Variants in JAZF1 observed in about 807,000 individuals in gnomAD.
JAZF1 encodes juxtaposed with another zinc finger protein 1.
JAZF1 carries 8 observed loss-of-function variants against 26.4 expected under a neutral mutation model. The observed-to-expected ratio is 0.30, with a 90% confidence interval of 0.18 to 0.55. The LOEUF (loss-of-function observed/expected upper bound fraction) is 0.55. Ranked by LOEUF, JAZF1 falls within the 20% of genes least tolerant of loss-of-function variation. The pLI is 0.94. For synonymous variants in JAZF1, 126 were observed against 122.3 expected, an observed-to-expected ratio of 1.03 and a Z score of -0.20; for missense variants, 199 against 322.0, an observed-to-expected ratio of 0.62 and a Z score of 2.92.
intron 1 of JAZF1, among the ~76,000 whole-genome samples, chr7:28,010,035 C>T (rs1782772619): frequency 6.6e-6 from 1 of 152,174 alleles, no homozygotes; most frequent in African/African-American, 2.4e-5. Context: ...ATCTCTAGTT[C>T]TCTACATGCC....
At chr7:27,904,749 C>T (rs1784222434) in intron 2 of JAZF1, among the ~76,000 whole-genome samples, 1 of 151,920 alleles carries the variant, frequency 6.6e-6, no homozygotes, top group Admixed American at 6.6e-5. Flanking sequence ...GGAAAAAAAA[C>T]CCACTCCATT....
intron 2 of JAZF1, among the ~76,000 whole-genome samples, chr7:27,986,338 A>G (rs960240044): frequency 6.6e-6 from 1 of 152,236 alleles, no homozygotes; most frequent in Non-Finnish European, 1.5e-5. Context: ...CAGAGAGCCA[A>G]ATCATGAGTG....
At position 27,940,791 on chromosome 7, in the gene JAZF1, T is replaced by A. The variant is rs144535864; in HGVS notation, c.189-45375A>T. ...AACAAACTGCACATTTACTGTGGAT[T>A]CTGTATCTGAACTTTTACACTGGTT... On this transcript the variant is annotated intron_variant, in intron 2 of 4. Transcript: ENST00000283928. Among the ~76,000 whole-genome samples the A allele has an allele frequency of 8.0e-3, 1,220 of 152,326 alleles. 16 individuals carry two copies. Among genetic ancestry groups the A allele is most frequent in the African/African-American group, 0.028 (1,152 of 41,560 alleles).
At chr7:27,988,229 G>T (rs1385908843) in intron 2 of JAZF1, among the ~76,000 whole-genome samples, 1 of 151,690 alleles carries the variant, frequency 6.6e-6, no homozygotes, top group African/African-American at 2.4e-5. Flanking sequence ...AATCTCTGTG[G>T]ATGGTTGAAT....
chr7:27,875,816 T>C (rs1783669542), intron 3 of JAZF1, among the ~76,000 whole-genome samples: 1 of 152,238 alleles, frequency 6.6e-6, no homozygotes, highest in Non-Finnish European at 1.5e-5. Flanking sequence ...GTTTGTTCAG[T>C]ATATTAACCA....
chr7:27,929,881 C>G (rs185429886), intron 2 of JAZF1, among the ~76,000 whole-genome samples: 1 of 151,590 alleles, frequency 6.6e-6, no homozygotes, highest in African/African-American at 2.4e-5. Context: ...CTCTGGGGAG[C>G]AAAATTTTGG....
At position 27,897,836 on chromosome 7, in the gene JAZF1, G is replaced by A. The variant is rs186753334; in HGVS notation, c.189-2420C>T. 2.0e-5 allele frequency among the ~76,000 whole-genome samples: 3 copies of A among 152,298 alleles called. No homozygotes were observed. The East Asian group carries it at 5.8e-4, about 29-fold the overall frequency. On this transcript the variant is annotated intron_variant, in intron 2 of 4. Transcript: ENST00000283928. ...TGCTGCAAGGGTGCCTGCAGAAGGC[G>A]ACTTGTCCTCCATCCTCTGAACAGA...
chr7:28,107,198 C>T (rs1443383335), intron 1 of JAZF1, among the ~76,000 whole-genome samples: 1 of 152,178 alleles, frequency 6.6e-6, no homozygotes, highest in Non-Finnish European at 1.5e-5. Context: ...CACTAGAGTA[C>T]GTTTCCAGCA....
At chr7:28,090,888 G>A (rs1299229178) in intron 1 of JAZF1, among the ~76,000 whole-genome samples, 1 of 145,890 alleles carries the variant, frequency 6.9e-6, no homozygotes, top group Non-Finnish European at 1.5e-5. Context: ...CTGCAGTGGC[G>A]CGATCTCGGC....
chr7:27,971,007 G>C (rs1358014739), intron 2 of JAZF1, among the ~76,000 whole-genome samples: 2 of 152,198 alleles, frequency 1.3e-5, no homozygotes, highest in Admixed American at 1.3e-4. Context: ...AGATGACAGA[G>C]AAGCACACCG....
chr7:27,926,750 C>G (rs966603042), intron 2 of JAZF1, among the ~76,000 whole-genome samples: 2 of 152,224 alleles, frequency 1.3e-5, no homozygotes, highest in Non-Finnish European at 2.9e-5. Flanking sequence ...GACAGCACTT[C>G]TTTTGAACGA....
At chr7:28,063,425 C>T (rs1204164199) in intron 1 of JAZF1, among the ~76,000 whole-genome samples, 3 of 152,014 alleles carry the variant, frequency 2.0e-5, no homozygotes, top group East Asian at 3.9e-4. Context: ...TGCAATAGAA[C>T]CAGAATATAG....
chr7:27,942,364 A>T (rs929650146), intron 2 of JAZF1, among the ~76,000 whole-genome samples: 1 of 152,242 alleles, frequency 6.6e-6, no homozygotes, highest in African/African-American at 2.4e-5. Context: ...AAATGTCTTA[A>T]AGAATTCAAA....
At chr7:27,950,222 T>C (rs975928824) in intron 2 of JAZF1, among the ~76,000 whole-genome samples, 2 of 152,226 alleles carry the variant, frequency 1.3e-5, no homozygotes, top group African/African-American at 2.4e-5. Flanking sequence ...ATCAGCCAGA[T>C]ACCAGAGCAT....
At chr7:28,170,335 ATATGTGTGTGTGTGTGTGTGTG>A (rs70977020) in intron 1 of JAZF1, among the ~76,000 whole-genome samples, 41,285 of 139,948 alleles carry the variant, frequency 0.3, 6,006 homozygotes, top group Non-Finnish European at 0.37. Flanking sequence ...AGAGAAGTTG[ATATGTGTGTGTGTGTGTGTGTG>A]TGTGTGTGTG....
chr7:28,020,248 G>A (rs930458580), intron 1 of JAZF1, among the ~76,000 whole-genome samples: 3 of 152,116 alleles, frequency 2.0e-5, no homozygotes, highest in African/African-American at 7.2e-5. Context: ...AGAGTGCTGC[G>A]ATAACACCAA....
intron 2 of JAZF1, among the ~76,000 whole-genome samples, chr7:27,989,260 C>G (rs1391450978): frequency 6.6e-6 from 1 of 152,112 alleles, no homozygotes; most frequent in Non-Finnish European, 1.5e-5. Context: ...AATTGGATCC[C>G]TTCCTTATAC....
At chr7:28,160,477 A>T (rs894869221) in intron 1 of JAZF1, among the ~76,000 whole-genome samples, 1 of 152,138 alleles carries the variant, frequency 6.6e-6, no homozygotes, top group Non-Finnish European at 1.5e-5. Flanking sequence ...GGCCTGGCAC[A>T]CGGTAGGCGA....
At chr7:27,870,075 ATTTTTTTTTTTTTT>A (rs371770357) in intron 3 of JAZF1, among the ~76,000 whole-genome samples, 1 of 120,664 alleles carries the variant, frequency 8.3e-6, no homozygotes, top group Non-Finnish European at 1.7e-5. Context: ...CACCCGGTTA[ATTTTTTTTTTTTTT>A]TTTTTTTTTG....
Sources: gnomAD v4.1 joint callset for allele counts (sites outside exome capture counted in the v4.1 genomes callset) on GRCh38, gnomAD v4.1.1 for gene constraint, MANE v1.5 for transcripts, NCBI Gene and HGNC (gene_info 2026-07-23, HGNC 2026-07-21) for gene names.